Variants in CNNM2 observed in about 807,000 individuals in gnomAD.
CNNM2 encodes the protein metal transporter CNNM2.
Under a neutral mutation model 66.9 loss-of-function variants are expected in CNNM2, and 12 were observed. The observed-to-expected ratio is 0.18, with a 90% CI of 0.11 to 0.29. CNNM2 has a LOEUF of 0.29. CNNM2 is among the 10% of genes least tolerant of loss of function. CNNM2 has a pLI of 1.00. For missense variants in CNNM2, 705 were observed against 1,167.7 expected (o/e 0.60, Z 5.77); for synonymous variants, 557 against 501.8 (o/e 1.11, Z -1.47).
At chr10:102,999,192 T>G (rs1437770993) in intron 1 of CNNM2, among the ~76,000 whole-genome samples, 1 of 151,156 alleles carries the variant, frequency 6.6e-6, no homozygotes, top group Admixed American at 6.6e-5. Context: ...CGCCTCAGCC[T>G]CCCGAGTAGC....
chr10:102,992,221 G>A (rs2063911141), intron 1 of CNNM2, among the ~76,000 whole-genome samples: 2 of 149,634 alleles, frequency 1.3e-5, no homozygotes, highest in Non-Finnish European at 3.0e-5. Flanking sequence ...CTTTGCCCAG[G>A]TACCCACATT....
At position 102,918,294 on chromosome 10, in the gene CNNM2, C is replaced by G; in HGVS notation, c.-187C>G. ...TCGCGGGAGCAGCCGGCGCTCCTCT[C>G]CCTCCCTCTTTCCCTCCCGCGAGCC... On this transcript the variant is annotated 5_prime_UTR_variant, in exon 1 of 8. Transcript: ENST00000369878. This position sits in a 1 kb window ranked among gnomAD's most constrained non-coding sequence, Gnocchi z 4.1. The G allele has an allele frequency of 9.6e-7, 1 of 1,039,232 alleles. No individual in the cohort carries two copies. The highest frequency in any genetic ancestry group is 1.3e-6 in the Non-Finnish European group (1 of 756,342). The allele number at this position is 1,039,232 out of a possible 1,614,324, so 64.4% of individuals were successfully genotyped here. A position where few individuals can be genotyped will look rare whatever the true frequency, so the allele number is the denominator to read the frequency against.
chr10:102,946,163 C>T (rs1846611748), intron 1 of CNNM2, among the ~76,000 whole-genome samples: 1 of 152,108 alleles, frequency 6.6e-6, no homozygotes, highest in African/African-American at 2.4e-5. Context: ...ATTGGTGCTG[C>T]AGGGAATGTT....
At chr10:102,965,087 T>G (rs1420496830) in intron 1 of CNNM2, among the ~76,000 whole-genome samples, 3 of 152,206 alleles carry the variant, frequency 2.0e-5, no homozygotes, top group Non-Finnish European at 2.9e-5. Flanking sequence ...GCCTTGATCT[T>G]AGACTTCCCA....
At chr10:103,048,836 G>GAAATTAAATTAATT (rs2065171546) in intron 1 of CNNM2, among the ~76,000 whole-genome samples, 1 of 152,096 alleles carries the variant, frequency 6.6e-6, no homozygotes, top group Non-Finnish European at 1.5e-5. Flanking sequence ...AGGATTTAAT[G>GAAATTAAATTAATT]AAATTAATGT....
chr10:102,975,727 C>A (rs2063618438), intron 1 of CNNM2, among the ~76,000 whole-genome samples: 1 of 152,108 alleles, frequency 6.6e-6, no homozygotes, highest in Non-Finnish European at 1.5e-5. Context: ...CTAAGGCCTC[C>A]TTCCAATTGT....
intron 1 of CNNM2, among the ~76,000 whole-genome samples, chr10:103,012,231 G>T (rs1271834550): frequency 6.6e-6 from 1 of 152,170 alleles, no homozygotes; most frequent in East Asian, 1.9e-4. Flanking sequence ...ACCTGCATTT[G>T]CAATTTTTGT....
intron 1 of CNNM2, among the ~76,000 whole-genome samples, chr10:103,004,747 G>A (rs1259289388): frequency 1.3e-5 from 2 of 152,244 alleles, no homozygotes; most frequent in African/African-American, 4.8e-5. Flanking sequence ...GTTTAGGTGT[G>A]TGTGAGTCTG....
intron 1 of CNNM2, among the ~76,000 whole-genome samples, chr10:102,958,709 A>G (rs1005337456): frequency 4.6e-5 from 7 of 151,860 alleles, no homozygotes; most frequent in African/African-American, 1.7e-4. Context: ...ATCTCAGGTG[A>G]TCTACATGCC....
chr10:102,983,686 C>G (rs931805754), intron 1 of CNNM2, among the ~76,000 whole-genome samples: 1 of 151,992 alleles, frequency 6.6e-6, no homozygotes, highest in African/African-American at 2.4e-5. Context: ...AGTGCTCCTC[C>G]TTCCTTGTCT....
chr10:102,957,482 G>A (rs1847088809), intron 1 of CNNM2, among the ~76,000 whole-genome samples: 1 of 152,214 alleles, frequency 6.6e-6, no homozygotes. Flanking sequence ...GCTAGGATAA[G>A]TGATTTGAAC....
chr10:103,006,651 G>T (rs1047913182), intron 1 of CNNM2, among the ~76,000 whole-genome samples: 1 of 152,052 alleles, frequency 6.6e-6, no homozygotes, highest in African/African-American at 2.4e-5. Context: ...CTTTTACTTA[G>T]GGTCTCACTC....
intron 1 of CNNM2, among the ~76,000 whole-genome samples, chr10:102,941,071 A>G (rs977243921): frequency 1.3e-5 from 2 of 152,214 alleles, no homozygotes; most frequent in African/African-American, 2.4e-5. Context: ...CGCCCAGCCT[A>G]GAAATACATT....
chr10:102,926,500 A>C (rs1445873571), intron 1 of CNNM2, among the ~76,000 whole-genome samples: 1 of 152,136 alleles, frequency 6.6e-6, no homozygotes, highest in Admixed American at 6.5e-5. Context: ...TCAACCAAGA[A>C]AACCCACAAA....
intron 1 of CNNM2, among the ~76,000 whole-genome samples, chr10:102,952,693 T>TG (rs565477100): frequency 1.8e-4 from 27 of 151,700 alleles, no homozygotes; most frequent in Non-Finnish European, 3.4e-4. Flanking sequence ...GTTGGGGCAC[T>TG]GGGGAACATT....
At chr10:102,968,307 C>G (rs565888209) in intron 1 of CNNM2, among the ~76,000 whole-genome samples, 1 of 152,128 alleles carries the variant, frequency 6.6e-6, no homozygotes, top group South Asian at 2.1e-4. Context: ...AGTGCAATGG[C>G]GCAATCTCGG....
intron 1 of CNNM2, among the ~76,000 whole-genome samples, chr10:102,988,741 A>C (rs1271516310): frequency 6.6e-6 from 1 of 152,126 alleles, no homozygotes; most frequent in African/African-American, 2.4e-5. Flanking sequence ...TAAAAATAGC[A>C]TTGAGAAAAG....
At chr10:102,981,467 T>C (rs1234454668) in intron 1 of CNNM2, among the ~76,000 whole-genome samples, 2 of 151,932 alleles carry the variant, frequency 1.3e-5, no homozygotes, top group East Asian at 3.9e-4. Context: ...GGAGAACATA[T>C]CCTCCAGTAG....
chr10:103,034,506 G>C (rs754743968), intron 1 of CNNM2, among the ~76,000 whole-genome samples: 3 of 152,152 alleles, frequency 2.0e-5, no homozygotes, highest in Non-Finnish European at 4.4e-5. Context: ...TTCAGTGACT[G>C]TGACAACAGG....
Sources: gnomAD v4.1 joint callset for allele counts (sites outside exome capture counted in the v4.1 genomes callset) on GRCh38, gnomAD v4.1.1 for gene constraint, Gnocchi (gnomAD v3.1) non-coding constraint, MANE v1.5 for transcripts, NCBI Gene and HGNC (gene_info 2026-07-23, HGNC 2026-07-21) for gene names.